NR6A1: variants seen among roughly 807,000 people sequenced by gnomAD.
The protein encoded by NR6A1 is retinoic acid receptor-related testis-associated receptor.
NR6A1 carries 7 observed loss-of-function variants against 59.1 expected under a neutral mutation model. That is an observed-to-expected ratio of 0.12 (90% CI 0.07 to 0.22). The LOEUF is 0.22. NR6A1 is among the 10% of genes least tolerant of loss of function. NR6A1 has a pLI of 1.00. For synonymous variants in NR6A1, 243 were observed against 236.1 expected (o/e 1.03, Z -0.27); for missense variants, 468 against 611.6 (o/e 0.77, Z 2.48).
At chr9:124,677,880 T>C (rs1306913030) in intron 2 of NR6A1, among the ~76,000 whole-genome samples, 1 of 152,162 alleles carries the variant, frequency 6.6e-6, no homozygotes, top group Non-Finnish European at 1.5e-5. Context: ...AGAAAGTCTA[T>C]GTAACATGCA....
At chr9:124,547,790 A>G (rs549859480) in intron 3 of NR6A1, among the ~76,000 whole-genome samples, 1 of 152,346 alleles carries the variant, frequency 6.6e-6, no homozygotes, top group South Asian at 2.1e-4. Context: ...CAATGTTAAT[A>G]AAGACAAAGA....
intron 7 of NR6A1, among the ~76,000 whole-genome samples, chr9:124,532,178 C>T (rs1467380236): frequency 1.3e-5 from 2 of 152,208 alleles, no homozygotes; most frequent in African/African-American, 4.8e-5. Context: ...GATACATTCT[C>T]TTTATACCCT....
At chr9:124,588,715 C>T (rs188261770) in intron 2 of NR6A1, among the ~76,000 whole-genome samples, 106 of 148,134 alleles carry the variant, frequency 7.2e-4, no homozygotes, top group Non-Finnish European at 1.2e-3. Flanking sequence ...GTCAGGAGAT[C>T]GACACCATCC....
intron 2 of NR6A1, among the ~76,000 whole-genome samples, chr9:124,672,315 G>A (rs567771204): frequency 6.6e-6 from 1 of 152,162 alleles, no homozygotes; most frequent in East Asian, 1.9e-4. Context: ...TTGGGTATAT[G>A]CCTAGAAATG....
intron 2 of NR6A1, among the ~76,000 whole-genome samples, chr9:124,588,288 T>C (rs1478354736): frequency 2.0e-5 from 3 of 152,028 alleles, no homozygotes; most frequent in Non-Finnish European, 4.4e-5. Context: ...AAAATTAATT[T>C]CTACATATCC....
At chr9:124,663,008 A>C (rs1275169982) in intron 2 of NR6A1, among the ~76,000 whole-genome samples, 6 of 152,266 alleles carry the variant, frequency 3.9e-5, no homozygotes, top group Non-Finnish European at 8.8e-5. Context: ...TCCCTTGCTG[A>C]GATGACAGAA....
At chr9:124,672,508 G>A (rs1444316197) in intron 2 of NR6A1, among the ~76,000 whole-genome samples, 3 of 152,040 alleles carry the variant, frequency 2.0e-5, no homozygotes, top group African/African-American at 7.3e-5. Flanking sequence ...CCAGCAACTC[G>A]GGAGGCTGAG....
At chr9:124,739,130 G>A (rs1451295473) in intron 1 of NR6A1, among the ~76,000 whole-genome samples, 3 of 151,088 alleles carry the variant, frequency 2.0e-5, no homozygotes, top group South Asian at 4.2e-4. Flanking sequence ...AGAGGTTGCA[G>A]TGAGCCCAGA....
intron 2 of NR6A1, among the ~76,000 whole-genome samples, chr9:124,629,873 T>C (rs959403891): frequency 4.6e-5 from 7 of 152,226 alleles, no homozygotes; most frequent in Non-Finnish European, 7.3e-5. Flanking sequence ...CTGACTCCAG[T>C]GATACTGATT....
rs570209144 is a variant in NR6A1, at chr9:124,624,944, G to A, written c.143-70374C>T. On this transcript the variant is annotated intron_variant, in intron 2 of 9. Coordinates refer to ENST00000487099, the MANE Select transcript of NR6A1 (RefSeq NM_033334.4). Reference sequence around the variant, plus strand: ...TTTTTTTTTTTCTACCAACCTCAGGGCATCATTAGAGTCATCTGAAAACAA... The same window carrying A: ...TTTTTTTTTTTCTACCAACCTCAGGACATCATTAGAGTCATCTGAAAACAA... Among the ~76,000 whole-genome samples, 6 of 149,632 alleles carry A rather than the reference G, an allele frequency of 4.0e-5. No individual in the cohort carries two copies. In the South Asian group the frequency reaches 8.4e-4, roughly 21 times the overall value.
chr9:124,646,502 A>C (rs1836933102), intron 2 of NR6A1, among the ~76,000 whole-genome samples: 2 of 152,204 alleles, frequency 1.3e-5, no homozygotes, highest in Admixed American at 1.3e-4. Context: ...ATTAAAAGGA[A>C]AATAAAGGAA....
At chr9:124,569,384 G>T (rs1035825606) in intron 2 of NR6A1, among the ~76,000 whole-genome samples, 1 of 152,132 alleles carries the variant, frequency 6.6e-6, no homozygotes, top group African/African-American at 2.4e-5. Flanking sequence ...CCCAGGAAGG[G>T]CATTTTACCC....
intron 2 of NR6A1, among the ~76,000 whole-genome samples, chr9:124,641,889 G>A (rs1349864247): frequency 1.3e-5 from 2 of 152,210 alleles, no homozygotes; most frequent in African/African-American, 4.8e-5. Context: ...GAGACAAGAG[G>A]CAAAGGGATC....
At chr9:124,742,548 G>C (rs770061533) in intron 1 of NR6A1, among the ~76,000 whole-genome samples, 7 of 149,800 alleles carry the variant, frequency 4.7e-5, no homozygotes, top group Non-Finnish European at 8.9e-5. Context: ...CAGGAAGAGC[G>C]AAACTTCGTC....
chr9:124,624,912 G>T (rs1026874162), intron 2 of NR6A1, among the ~76,000 whole-genome samples: 71 of 134,750 alleles, frequency 5.3e-4, no homozygotes, highest in South Asian at 7.0e-4. Context: ...TTGCTAGCTT[G>T]TTTTTTTTTT....
intron 2 of NR6A1, among the ~76,000 whole-genome samples, chr9:124,555,920 T>C (rs1193492187): frequency 6.6e-6 from 1 of 152,222 alleles, no homozygotes; most frequent in African/African-American, 2.4e-5. Context: ...ATGACATTCC[T>C]GAAAGGAAAA....
At chr9:124,568,638 GA>G (rs1416179520) in intron 2 of NR6A1, among the ~76,000 whole-genome samples, 1 of 151,766 alleles carries the variant, frequency 6.6e-6, no homozygotes, top group African/African-American at 2.4e-5. Context: ...TTTTTATTAA[GA>G]AAAAAATTAA....
At chr9:124,644,982 G>A (rs186027304) in intron 2 of NR6A1, among the ~76,000 whole-genome samples, 2 of 152,324 alleles carry the variant, frequency 1.3e-5, no homozygotes, top group Non-Finnish European at 2.9e-5. Flanking sequence ...TCCAAGTCAT[G>A]TCATTACACA....
At chr9:124,588,236 A>G (rs553884882) in intron 2 of NR6A1, among the ~76,000 whole-genome samples, 1 of 152,250 alleles carries the variant, frequency 6.6e-6, no homozygotes, top group Admixed American at 6.5e-5. Context: ...TTAGTGTATG[A>G]TTCCAAATGG....
Sources: gnomAD v4.1 joint callset for allele counts (sites outside exome capture counted in the v4.1 genomes callset) on GRCh38, gnomAD v4.1.1 for gene constraint, MANE v1.5 for transcripts, NCBI Gene and HGNC (gene_info 2026-07-23, HGNC 2026-07-21) for gene names.